SULT4A1: variants seen among roughly 807,000 people sequenced by gnomAD.
SULT4A1 encodes sulfotransferase 4A1.
Under a neutral mutation model 35.2 loss-of-function variants are expected in SULT4A1, and 11 were observed. The observed-to-expected ratio is 0.31, with a 90% CI of 0.20 to 0.52. The LOEUF is 0.52. Ranked by LOEUF, SULT4A1 falls within the 20% of genes least tolerant of loss-of-function variation. The probability of loss-of-function intolerance (pLI) is 0.97; values close to 1 mark genes in which losing one functional copy is unlikely to be tolerated. For synonymous variants in SULT4A1, 152 were observed against 151.8 expected (o/e 1.00, Z -0.01); for missense variants, 271 against 383.7 (o/e 0.71, Z 2.45).
intron 4 of SULT4A1, among the ~76,000 whole-genome samples, chr22:43,838,409 C>A (rs1203886011): frequency 6.6e-6 from 1 of 151,942 alleles, no homozygotes; most frequent in Non-Finnish European, 1.5e-5. Flanking sequence ...TCCCAGCGGG[C>A]ACAAGTGTGC....
In SULT4A1 at chr22:43,826,226, T is replaced by C. The variant is rs529854417; in HGVS notation, c.743-113A>G. On this transcript the variant is annotated intron_variant, in intron 6 of 6. Transcript: ENST00000330884. ...ATTCCAGATCTATTCCTGGATCCCT[T>C]TGAACTTGGCCTATGGGGGCAGGAA... is the stretch of plus-strand genomic sequence containing the variant. The C allele has an allele frequency of 1.3e-4, 204 of 1,518,068 alleles. No homozygotes were observed. The African/African-American group carries it at 2.1e-3, about 15-fold the overall frequency. The allele number at this position is 1,518,068 out of a possible 1,614,324, so 94.0% of individuals were successfully genotyped here.
chr22:43,840,854 C>T (rs1359176778), intron 2 of SULT4A1, among the ~76,000 whole-genome samples: 1 of 152,232 alleles, frequency 6.6e-6, no homozygotes, highest in Non-Finnish European at 1.5e-5. Flanking sequence ...CTCTGGAAGG[C>T]CAGGCCCCTC....
At chr22:43,839,855 G>C (rs2063410119) in intron 3 of SULT4A1, 90 bp downstream of exon 3, 5 of 1,261,854 alleles carry the variant, frequency 4.0e-6, no homozygotes, top group Non-Finnish European at 5.7e-6. Context: ...GGCCAGGTAA[G>C]TGCCAGGGAC....
At chr22:43,827,747 C>T in intron 6 of SULT4A1, 1 of 613,802 alleles carries the variant, frequency 1.6e-6, no homozygotes, top group Non-Finnish European at 2.6e-6. Context: ...GTTCTCGACG[C>T]TGCTTCACCA....
intron 2 of SULT4A1, among the ~76,000 whole-genome samples, chr22:43,840,380 G>A (rs906257934): frequency 6.6e-6 from 1 of 152,112 alleles, no homozygotes; most frequent in African/African-American, 2.4e-5. Context: ...CTGTCCTGGA[G>A]AGAGTCTCGG....
intron 4 of SULT4A1, among the ~76,000 whole-genome samples, chr22:43,835,525 C>T (rs1467107075): frequency 2.6e-5 from 4 of 152,222 alleles, no homozygotes; most frequent in Non-Finnish European, 5.9e-5. Flanking sequence ...CCTCCAATTT[C>T]TGCAGAATAA....
At chr22:43,859,720 G>A (rs2049443952) in intron 1 of SULT4A1, among the ~76,000 whole-genome samples, 1 of 152,220 alleles carries the variant, frequency 6.6e-6, no homozygotes. Flanking sequence ...TTTACCTGGC[G>A]CTGTGCAGCA....
chr22:43,832,915 A>C (rs376560725), intron 5 of SULT4A1, among the ~76,000 whole-genome samples: 13 of 151,974 alleles, frequency 8.6e-5, no homozygotes, highest in African/African-American at 3.1e-4. Context: ...ACTGCTACTC[A>C]ACCTAAACCT....
intron 1 of SULT4A1, among the ~76,000 whole-genome samples, chr22:43,852,296 T>C (rs1490704443): frequency 6.6e-6 from 1 of 151,752 alleles, no homozygotes; most frequent in African/African-American, 2.4e-5. Flanking sequence ...GCCTCCTAAG[T>C]AGCTGGGACC....
intron 4 of SULT4A1, 143 bp downstream of exon 4, chr22:43,838,724 C>T: frequency 1.8e-6 from 2 of 1,108,610 alleles, no homozygotes; most frequent in African/African-American, 1.6e-5. Flanking sequence ...TCAGTGTCTT[C>T]ATCTGTAAAG....
At chr22:43,841,992 G>A in intron 1 of SULT4A1, 60 bp from the exon 2 acceptor site, 1 of 1,570,294 alleles carries the variant, frequency 6.4e-7, no homozygotes, top group Non-Finnish European at 8.7e-7. Flanking sequence ...CCGGCCCTGT[G>A]CTCGGGTCAA....
intron 1 of SULT4A1, among the ~76,000 whole-genome samples, chr22:43,855,222 A>G (rs1034287293): frequency 6.6e-6 from 1 of 152,186 alleles, no homozygotes; most frequent in African/African-American, 2.4e-5. Flanking sequence ...CCACCTGCAG[A>G]GTTGGGCTGG....
intron 6 of SULT4A1, 116 bp from the exon 7 acceptor site, chr22:43,826,229 A>T: frequency 5.3e-6 from 8 of 1,510,678 alleles, no homozygotes; most frequent in Non-Finnish European, 7.0e-6. Flanking sequence ...GATCCCTTTG[A>T]ACTTGGCCTA....
At chr22:43,856,566 T>A (rs1347209471) in intron 1 of SULT4A1, among the ~76,000 whole-genome samples, 1 of 152,028 alleles carries the variant, frequency 6.6e-6, no homozygotes, top group Non-Finnish European at 1.5e-5. Flanking sequence ...AAGTAACAGA[T>A]AACAGCAGAG....
In SULT4A1 at chr22:43,858,715, C is replaced by G. The variant is rs535353350; in HGVS notation, c.169+3499G>C. Among the ~76,000 whole-genome samples, 19 of 152,198 alleles carry G rather than the reference C, an allele frequency of 1.2e-4. No homozygotes were observed. The South Asian group carries it at 4.0e-3, about 32-fold the overall frequency. On this transcript the variant is annotated intron_variant, in intron 1 of 6. Transcript: ENST00000330884. ...GCGCTGGCAGGTGCTAGCTCCCACC[C>G]CCACGCCTCTCTTACCCCCTCCTGT...
chr22:43,856,881 C>A (rs1251895731), intron 1 of SULT4A1, among the ~76,000 whole-genome samples: 1 of 152,124 alleles, frequency 6.6e-6, no homozygotes, highest in Non-Finnish European at 1.5e-5. Flanking sequence ...TGACCTTAGT[C>A]TCTACTATCT....
intron 6 of SULT4A1, chr22:43,826,598 G>A (rs1487279445): frequency 7.1e-6 from 7 of 985,298 alleles, no homozygotes; most frequent in South Asian, 9.4e-5. Flanking sequence ...CCACCAAGGC[G>A]TCATTGGCTT....
intron 1 of SULT4A1, among the ~76,000 whole-genome samples, chr22:43,850,487 T>C (rs1456294457): frequency 6.6e-6 from 1 of 152,240 alleles, no homozygotes; most frequent in Non-Finnish European, 1.5e-5. Context: ...TTTCATTTTC[T>C]ATATTGCTAT....
At chr22:43,839,058 C>A (rs867097226) in intron 3 of SULT4A1, 65 bp from the exon 4 acceptor site, 2 of 1,595,188 alleles carry the variant, frequency 1.3e-6, no homozygotes, top group South Asian at 1.1e-5. Context: ...TGCCCCGACA[C>A]AGGCCAGCCT....
Sources: allele counts gnomAD v4.1 joint callset (sites outside exome capture counted in the v4.1 genomes callset), GRCh38; gene constraint gnomAD v4.1.1; transcripts MANE v1.5; gene names NCBI Gene and HGNC (gene_info 2026-07-23, HGNC 2026-07-21).